CCDC170: variants seen among roughly 807,000 people sequenced by gnomAD.
CCDC170 encodes the protein coiled-coil domain-containing protein 170.
In CCDC170, 69 loss-of-function variants were observed where a neutral mutation model predicts 72.6. That is an observed-to-expected ratio of 0.95 (90% CI 0.78 to 1.16). The LOEUF (loss-of-function observed/expected upper bound fraction) is 1.16. Among genes scored for constraint, CCDC170 ranks in the 50% most tolerant of loss-of-function variants. CCDC170 has a pLI of 0.00. For synonymous variants in CCDC170, 300 were observed against 303.9 expected, an observed-to-expected ratio of 0.99 and a Z score of 0.13; for missense variants, 852 against 832.5, an observed-to-expected ratio of 1.02 and a Z score of -0.29.
At chr6:151,574,625 G>A (rs1776275593) in intron 6 of CCDC170, among the ~76,000 whole-genome samples, 1 of 152,188 alleles carries the variant, frequency 6.6e-6, no homozygotes, top group Non-Finnish European at 1.5e-5. Context: ...GCAACAGTAA[G>A]TGGGATAAAT....
chr6:151,561,267 A>G (rs1408992110), intron 5 of CCDC170, among the ~76,000 whole-genome samples: 1 of 152,102 alleles, frequency 6.6e-6, no homozygotes, highest in Non-Finnish European at 1.5e-5. Context: ...ATTATTATTG[A>G]CTATAATGCT....
At chr6:151,511,586 C>G (rs1259952519) in intron 1 of CCDC170, among the ~76,000 whole-genome samples, 3 of 152,182 alleles carry the variant, frequency 2.0e-5, no homozygotes, top group African/African-American at 7.2e-5. Context: ...AAACACACAA[C>G]CTTGTAGCTG....
At chr6:151,495,423 G>C (rs1435792125) in intron 1 of CCDC170, among the ~76,000 whole-genome samples, 2 of 151,910 alleles carry the variant, frequency 1.3e-5, no homozygotes, top group Admixed American at 1.3e-4. Context: ...AGCCCATTGA[G>C]AGTAAATTAC....
In CCDC170 at chr6:151,618,298, A is replaced by G. The variant is rs1562302398; in HGVS notation, c.*151A>G. The stretch of plus-strand genomic sequence containing the variant: ...TGCATCACTTGCAAAAACGATCTCA[A>G]AAGTGTCAGCCTTAGATAAACGTTC... On this transcript the variant is annotated 3_prime_UTR_variant, in exon 11 of 11. Transcript: ENST00000239374. 4.6e-6 allele frequency: 3 copies of G among 658,596 alleles called. No individual in the cohort carries two copies. The highest frequency in any genetic ancestry group is 2.1e-5 in the South Asian group (1 of 47,146). 40.8% of individuals were successfully genotyped at this position (658,596 alleles called of 1,614,324 possible).
intron 7 of CCDC170, among the ~76,000 whole-genome samples, chr6:151,589,481 C>T (rs1359471792): frequency 1.3e-5 from 2 of 152,086 alleles, no homozygotes; most frequent in African/African-American, 4.8e-5. Context: ...TCCATTTGCC[C>T]AAGCCATCTT....
chr6:151,524,533 C>A (rs1297887963), intron 1 of CCDC170, among the ~76,000 whole-genome samples: 1 of 152,166 alleles, frequency 6.6e-6, no homozygotes, highest in Admixed American at 6.6e-5. Context: ...ATAAATTGGA[C>A]TTTTAAAACA....
chr6:151,573,438 A>G lies in CCDC170; in HGVS notation c.1039A>G (p.Thr347Ala), dbSNP rs1231096320. The G allele has an allele frequency of 6.2e-7, 1 of 1,614,018 alleles. No individual in the cohort carries two copies. Among genetic ancestry groups the G allele is most frequent in the Non-Finnish European group, 8.5e-7 (1 of 1,180,016 alleles). ...GAGCATGACTGGGTCCACTGAGGAC[A>G]CCATTTTGGAGAAGATTCGAGAAAT... ...RLSMTGSTED[T>A]ILEKIREMDS... Residue 347 changes from threonine to alanine, a missense_variant, in exon 6 of 11, where the codon ACC becomes GCC. Thr to Ala is a moderately conservative substitution (Grantham distance 58, BLOSUM62 0). Transcript: ENST00000239374.
At chr6:151,502,140 C>G (rs144898966) in intron 1 of CCDC170, among the ~76,000 whole-genome samples, 90 of 152,272 alleles carry the variant, frequency 5.9e-4, no homozygotes, top group African/African-American at 2.0e-3. Context: ...GGCATGGTGA[C>G]CCATACCTGT....
chr6:151,537,850 A>G (rs1782615056), intron 2 of CCDC170, among the ~76,000 whole-genome samples, 195 bp from the exon 3 acceptor site: 1 of 152,226 alleles, frequency 6.6e-6, no homozygotes. Context: ...TTTGGAAAAG[A>G]TAGAATATAA....
At chr6:151,504,987 C>T (rs560999936) in intron 1 of CCDC170, among the ~76,000 whole-genome samples, 5 of 151,976 alleles carry the variant, frequency 3.3e-5, no homozygotes, top group African/African-American at 9.7e-5. Context: ...AGAATGGGGG[C>T]GTGAGAGTAA....
intron 5 of CCDC170, among the ~76,000 whole-genome samples, chr6:151,567,887 CG>C (rs1426950845): frequency 6.6e-6 from 1 of 151,754 alleles, no homozygotes; most frequent in Admixed American, 6.6e-5. Flanking sequence ...GGCAGGCAGG[CG>C]GGTCACAAGG....
rs1057173166 is a variant in CCDC170 at position 151,526,231 on chromosome 6, C to CT, written c.58-10078dup. ...TCTGTCTTCTACTTGTTTTCTTTTT[C>CT]TTTTTTTTTGAGATGGCGTCTCTCT... On this transcript the variant is annotated intron_variant, in intron 1 of 10. Coordinates refer to ENST00000239374, the MANE Select transcript of CCDC170 (RefSeq NM_025059.4). Among the ~76,000 whole-genome samples, 6 of 137,150 alleles carry CT rather than the reference C, an allele frequency of 4.4e-5. No individual in the cohort carries two copies. In the South Asian group the frequency reaches 7.2e-4, roughly 16 times the overall value. The allele number at this position is 137,150 out of a possible 152,430, so 90.0% of individuals were successfully genotyped here.
intron 1 of CCDC170, among the ~76,000 whole-genome samples, chr6:151,528,600 C>T (rs1277942330): frequency 6.6e-6 from 1 of 152,050 alleles, no homozygotes; most frequent in Non-Finnish European, 1.5e-5. Context: ...AATCCCAGCA[C>T]TTTGGGAGGC....
Position 151,619,747 on chromosome 6 carries a change from G to T in CCDC170, c.*1600G>T, listed in dbSNP as rs1481340612. 1.3e-5 allele frequency: 2 copies of T among 152,152 alleles called. No individual in the cohort carries two copies. The highest frequency in any genetic ancestry group is 1.5e-5 in the Non-Finnish European group (1 of 68,054). The allele number at this position is 152,152 out of a possible 1,614,324, so 9.4% of individuals were successfully genotyped here. ...AGACACGAAAATTGCTTGAACCTGG[G>T]AGGCGGAGGTTGCAATGAGCCGAGA... On this transcript the variant is annotated 3_prime_UTR_variant, in exon 11 of 11. Transcript: ENST00000239374.
chr6:151,538,369 T>G, intron 3 of CCDC170, 68 bp downstream of exon 3: 1 of 1,452,728 alleles, frequency 6.9e-7, no homozygotes, highest in Non-Finnish European at 9.4e-7. Flanking sequence ...TAGCAAGATA[T>G]GTCTTTGAAA....
rs113977112 is a variant in CCDC170, at chr6:151,563,506, C to A, written c.775-9668C>A. Among the ~76,000 whole-genome samples, 267 of 152,224 alleles carry A rather than the reference C, an allele frequency of 1.8e-3. 2 individuals carry two copies. The highest frequency in any genetic ancestry group is 5.9e-3 in the African/African-American group (243 of 41,526). Reference sequence around the variant, plus strand: ...GGGGCCTACGAGTCCCCTGCACCTGCCAAAGTCAGAATGGGTTGTGGGGTA... The same window carrying A: ...GGGGCCTACGAGTCCCCTGCACCTGACAAAGTCAGAATGGGTTGTGGGGTA... On this transcript the variant is annotated intron_variant, in intron 5 of 10. Coordinates refer to ENST00000239374, the MANE Select transcript of CCDC170 (RefSeq NM_025059.4).
chr6:151,538,195 G>T lies in CCDC170; in HGVS notation c.337G>T (p.Ala113Ser). The T allele has an allele frequency of 1.2e-6, 2 of 1,613,886 alleles. No homozygotes were observed. The highest frequency in any genetic ancestry group is 8.5e-7 in the Non-Finnish European group (1 of 1,179,898). ...DRVQELEEESAALSTSKIRTE... is the reference protein window; with the variant it reads ...DRVQELEEESSALSTSKIRTE... ...AGTTCAGGAACTAGAAGAAGAATCA[G>T]CAGCACTTTCCACTTCTAAAATCAG... Residue 113 changes from alanine (A) to serine (S), a missense_variant, in exon 3 of 11, where the codon GCA (alanine) becomes TCA (serine). Transcript: ENST00000239374.
At chr6:151,514,973 C>T (rs1782213536) in intron 1 of CCDC170, among the ~76,000 whole-genome samples, 1 of 151,630 alleles carries the variant, frequency 6.6e-6, no homozygotes, top group East Asian at 1.9e-4. Context: ...GGCCTTCACA[C>T]TCACTCACCT....
At chr6:151,522,077 C>G (rs1782327112) in intron 1 of CCDC170, among the ~76,000 whole-genome samples, 1 of 151,410 alleles carries the variant, frequency 6.6e-6, no homozygotes, top group Non-Finnish European at 1.5e-5. Context: ...GGAGAATCGC[C>G]TGAACCTGGG....
Sources: allele counts gnomAD v4.1 joint callset (sites outside exome capture counted in the v4.1 genomes callset), GRCh38; gene constraint gnomAD v4.1.1; transcripts MANE v1.5; gene names NCBI Gene and HGNC (gene_info 2026-07-23, HGNC 2026-07-21).